Variants in ZNF580 observed in about 807,000 individuals in gnomAD.
ZNF580 encodes the protein LDL-induced EC protein.
ZNF580 carries 1 observed loss-of-function variant against 1.3 expected under a neutral mutation model. The observed-to-expected ratio is 0.77, with a 90% confidence interval of 0.27 to 3.65. The LOEUF (loss-of-function observed/expected upper bound fraction) is 3.65, where lower values mean the gene tolerates loss of function less well. ZNF580 is among the 30% of genes most tolerant of loss of function. The pLI, the probability that ZNF580 is intolerant of heterozygous loss-of-function variation, is 0.19. For missense variants in ZNF580, 268 were observed against 272.3 expected (o/e 0.98, Z 0.11); for synonymous variants, 135 against 128.8 (o/e 1.05, Z -0.32).
At chr19:55,642,283 G>A in intron 1 of ZNF580, 1 of 1,244,830 alleles carries the variant, frequency 8.0e-7, no homozygotes, top group Non-Finnish European at 1.0e-6. Flanking sequence ...AGGTGGTGGC[G>A]GGGTTTTGCA....
chr19:55,642,745 C>A lies in ZNF580; in HGVS notation c.237C>A (p.Arg79=). Reference sequence around the variant, plus strand: ...AGGAGCCCCGGGGCCCGCCCCAGCGCGAGGCGCCCCCAGGAGAGCCCGGCC... The same window carrying A: ...AGGAGCCCCGGGGCCCGCCCCAGCGAGAGGCGCCCCCAGGAGAGCCCGGCC... The part of the protein sequence containing the change: ...LEEEPRGPPQ[R]EAPPGEPGPR... The change falls in exon 2 of 2, where the codon CGC becomes CGA. Residue 79 remains arginine, a synonymous_variant. Coordinates refer to ENST00000325333, the MANE Select transcript of ZNF580 (RefSeq NM_207115.2). The A allele has an allele frequency of 1.3e-6, 2 of 1,522,938 alleles. No individual in the cohort carries two copies. The highest frequency in any genetic ancestry group is 1.2e-5 in the South Asian group (1 of 81,990). 94.3% of individuals were successfully genotyped at this position (1,522,938 alleles called of 1,614,324 possible).
At position 55,642,898 on chromosome 19, in the gene ZNF580, G is replaced by T; in HGVS notation, c.390G>T (p.Lys130Asn). The T allele has an allele frequency of 6.4e-7, 1 of 1,555,522 alleles. No individual in the cohort carries two copies. The highest frequency in any genetic ancestry group is 8.6e-7 in the Non-Finnish European group (1 of 1,158,444). The change falls in exon 2 of 2, where the codon AAG (lysine) becomes AAT (asparagine). Residue 130 changes from lysine to asparagine, a missense_variant. Around this residue, in one of 2 missense-constraint regions of ZNF580, gnomAD observed 225 missense variants for 201.7 expected, o/e 1.12. Coordinates refer to ENST00000325333, the MANE Select transcript of ZNF580 (RefSeq NM_207115.2). ...FTCGACGKAF[K>N]RSSHLSRHRA... Reference sequence around the variant, plus strand: ...GCGGCGCCTGCGGCAAGGCCTTCAAGCGCTCCAGCCACCTGTCGCGGCATC... The same window carrying T: ...GCGGCGCCTGCGGCAAGGCCTTCAATCGCTCCAGCCACCTGTCGCGGCATC...
intron 1 of ZNF580, 144 bp downstream of exon 1, chr19:55,641,327 G>A: frequency 2.0e-6 from 1 of 506,430 alleles, no homozygotes; most frequent in Non-Finnish European, 2.6e-6. Context: ...AGGGGAAGTC[G>A]AGGCGCCAGG....
At chr19:55,641,571 A>T (rs1652324324) in intron 1 of ZNF580, among the ~76,000 whole-genome samples, 1 of 152,108 alleles carries the variant, frequency 6.6e-6, no homozygotes. Flanking sequence ...AGGAGGGGAA[A>T]GTGGGCTTGG....
chr19:55,643,228 G>A lies in ZNF580; in HGVS notation c.*201G>A. On this transcript the variant is annotated 3_prime_UTR_variant, in exon 2 of 2. Transcript: ENST00000325333. ...TAGCTGTGTGATGTAGACCAAAGTC[G>A]TTGCCCCTCCCTGGGCCTGGGAACC... 1.1e-6 allele frequency: 1 copy of A among 944,220 alleles called. No individual in the cohort carries two copies. The highest frequency in any genetic ancestry group is 1.4e-6 in the Non-Finnish European group (1 of 709,542). 58.5% of individuals were successfully genotyped at this position (944,220 alleles called of 1,614,324 possible). A position where few individuals can be genotyped will look rare whatever the true frequency, so the allele number is the denominator to read the frequency against.
chr19:55,642,020 T>TA (rs1982524079), intron 1 of ZNF580: 1 of 720,014 alleles, frequency 1.4e-6, no homozygotes, highest in East Asian at 3.0e-4. Context: ...CGGGGGCCGG[T>TA]GGGGGGGTAG....
chr19:55,641,058 TCCCCGGCGCCGCCG>T lies in ZNF580; in HGVS notation c.-137_-124del. The T allele has an allele frequency of 1.7e-5, 17 of 985,104 alleles. No individual in the cohort carries two copies. Among genetic ancestry groups the T allele is most frequent in the Non-Finnish European group, 2.0e-5 (17 of 829,806 alleles). 61.0% of individuals were successfully genotyped at this position (985,104 alleles called of 1,614,324 possible). On this transcript the variant is annotated 5_prime_UTR_variant, in exon 1 of 2. Coordinates refer to ENST00000325333, the MANE Select transcript of ZNF580 (RefSeq NM_207115.2). ...CACCCCCGCGCCCCCAGTCCCCGCG[TCCCCGGCGCCGCCG>T]GCCCGGAGCTGCCCGGAAGTCTCGG...
In ZNF580 at chr19:55,643,172, G is replaced by A; in HGVS notation, c.*145G>A. The A allele has an allele frequency of 8.2e-7, 1 of 1,223,818 alleles. No individual in the cohort carries two copies. Among genetic ancestry groups the A allele is most frequent in the Non-Finnish European group, 1.0e-6 (1 of 957,464 alleles). 75.8% of individuals were successfully genotyped at this position (1,223,818 alleles called of 1,614,324 possible). On this transcript the variant is annotated 3_prime_UTR_variant, in exon 2 of 2. Transcript: ENST00000325333. The stretch of plus-strand genomic sequence containing the variant: ...CCTCAGTTTCCCCACCTTCCAAAGG[G>A]AGGAGCATCATTCCTTCCTTACCCC...
Position 55,643,108 on chromosome 19 carries a change from C to T in ZNF580, c.*81C>T. On this transcript the variant is annotated 3_prime_UTR_variant, in exon 2 of 2. Transcript: ENST00000325333. ...ACACAGCGTCACTCACTCCCACACA[C>T]ACCCCCTGGCTCTGCTGAGGTTACT... is the stretch of plus-strand genomic sequence containing the variant. The T allele has an allele frequency of 7.6e-7, 1 of 1,311,044 alleles. No individual in the cohort carries two copies. Among genetic ancestry groups the T allele is most frequent in the Non-Finnish European group, 9.7e-7 (1 of 1,025,750 alleles). The allele number at this position is 1,311,044 out of a possible 1,614,324, so 81.2% of individuals were successfully genotyped here.
intron 1 of ZNF580, 49 bp from the exon 2 acceptor site, chr19:55,642,448 C>T (rs1210630360): frequency 2.9e-6 from 4 of 1,395,344 alleles, no homozygotes; most frequent in African/African-American, 1.5e-5. Flanking sequence ...GGAAACTTTT[C>T]CTAAAAGGAA....
In ZNF580 at chr19:55,642,525, C is replaced by G; in HGVS notation, c.17C>G (p.Pro6Arg). The G allele has an allele frequency of 6.9e-7, 1 of 1,439,936 alleles. No homozygotes were observed. 89.2% of individuals were successfully genotyped at this position (1,439,936 alleles called of 1,614,324 possible). A position where few individuals can be genotyped will look rare whatever the true frequency, so the allele number is the denominator to read the frequency against. Residue 6 changes from proline to arginine, a missense_variant, in exon 2 of 2, where the codon CCG becomes CGG. By Grantham distance (103) the Pro-to-Arg change is moderately radical (BLOSUM62 -2). Coordinates refer to ENST00000325333, the MANE Select transcript of ZNF580 (RefSeq NM_207115.2). MLLLP[P>R]RPPHPRSSSP... ...CCGCTCCAGATGCTGCTGCTGCCGC[C>G]GCGGCCACCCCACCCTCGGTCCTCC...
In ZNF580 at chr19:55,641,142, A is replaced by C. The variant is rs1600043452; in HGVS notation, c.-54A>C. On this transcript the variant is annotated 5_prime_UTR_variant, in exon 1 of 2. Coordinates refer to ENST00000325333, the MANE Select transcript of ZNF580 (RefSeq NM_207115.2). Reference sequence around the variant, plus strand: ...CAGGGGAAGCCCGGGGCCGCCCGGGACCTCGGCCCGTTCCTCCGGACCCGA... The same window carrying C: ...CAGGGGAAGCCCGGGGCCGCCCGGGCCCTCGGCCCGTTCCTCCGGACCCGA... The C allele has an allele frequency of 1.0e-6, 1 of 985,144 alleles. No individual in the cohort carries two copies. Among genetic ancestry groups the C allele is most frequent in the South Asian group, 4.7e-5 (1 of 21,280 alleles). The allele number at this position is 985,144 out of a possible 1,614,324, so 61.0% of individuals were successfully genotyped here.
In ZNF580 at chr19:55,641,992, AGGGCCAGGAGGCCGATACGGGGGCCGGT is replaced by A. The variant is rs1369969049; in HGVS notation, c.-12-501_-12-474del. The A allele has an allele frequency of 6.5e-5, 56 of 861,394 alleles. 2 individuals carry two copies. In the East Asian group the frequency reaches 9.2e-3, roughly 142 times the overall value. 53.4% of individuals were successfully genotyped at this position (861,394 alleles called of 1,614,324 possible). A position where few individuals can be genotyped will look rare whatever the true frequency, so the allele number is the denominator to read the frequency against. On this transcript the variant is annotated intron_variant, in intron 1 of 1. Transcript: ENST00000325333. ...GCCCTGCGGCATGTAGTGGGGACGGAGGGCCAGGAGGCCGATACGGGGGCCGGTGGGGGGGTAGGGGGCGGCAAAGGGA... is the reference window on the plus strand; with the variant it reads ...GCCCTGCGGCATGTAGTGGGGACGGAGGGGGGGTAGGGGGCGGCAAAGGGA...
Position 55,642,842 on chromosome 19 carries a change from G to A in ZNF580, c.334G>A (p.Val112Met). The change falls in exon 2 of 2, where the codon GTG (valine) becomes ATG (methionine). Residue 112 changes from valine to methionine, a missense_variant. Physicochemically the swap from Val to Met is conservative, Grantham distance 21. Transcript: ENST00000325333. ...CCCTCTGCGGCTGCAGAGCCACCGCGTGTCGCACTCGGACCTCAAGCCCTT... is the reference window on the plus strand; with the variant it reads ...CCCTCTGCGGCTGCAGAGCCACCGCATGTCGCACTCGGACCTCAAGCCCTT... ...ASPLRLQSHR[V>M]SHSDLKPFTC... The A allele has an allele frequency of 2.5e-6, 4 of 1,575,224 alleles. No homozygotes were observed. Among genetic ancestry groups the A allele is most frequent in the Admixed American group, 1.7e-5 (1 of 57,808 alleles).
At chr19:55,641,663 G>A (rs1044100417) in intron 1 of ZNF580, 1 of 151,636 alleles carries the variant, frequency 6.6e-6, no homozygotes, top group Non-Finnish European at 1.5e-5. Context: ...GGTACAGAAA[G>A]AAGTAACGAT....
In ZNF580 at chr19:55,642,907, C is replaced by T. The variant is rs1372058115; in HGVS notation, c.399C>T (p.Ser133=). The part of the protein sequence containing the change: ...GACGKAFKRS[S]HLSRHRATHR... ...GCGGCAAGGCCTTCAAGCGCTCCAG[C>T]CACCTGTCGCGGCATCGCGCCACGC... Residue 133 remains serine (S), a synonymous_variant, in exon 2 of 2, where the codon AGC becomes AGT. Transcript: ENST00000325333. The T allele has an allele frequency of 1.3e-6, 2 of 1,535,568 alleles. No homozygotes were observed. The highest frequency in any genetic ancestry group is 1.7e-6 in the Non-Finnish European group (2 of 1,148,110).
Position 55,641,018 on chromosome 19 carries a change from T to G in ZNF580, c.-178T>G. 1.0e-6 allele frequency: 1 copy of G among 985,246 alleles called. No individual in the cohort carries two copies. Among genetic ancestry groups the G allele is most frequent in the Non-Finnish European group, 1.2e-6 (1 of 829,874 alleles). 61.0% of individuals were successfully genotyped at this position (985,246 alleles called of 1,614,324 possible). A position where few individuals can be genotyped will look rare whatever the true frequency, so the allele number is the denominator to read the frequency against. The stretch of plus-strand genomic sequence containing the variant: ...CCGGCCGGCGCCTTTTCCCAGGGAC[T>G]CCGCCAACCCCTCGCACCCCCGCGC... On this transcript the variant is annotated 5_prime_UTR_variant, in exon 1 of 2. Coordinates refer to ENST00000325333, the MANE Select transcript of ZNF580 (RefSeq NM_207115.2).
At chr19:55,641,230 C>T (rs1600043652) in intron 1 of ZNF580, 47 bp downstream of exon 1, 3 of 975,156 alleles carry the variant, frequency 3.1e-6, no homozygotes, top group East Asian at 1.2e-4. Context: ...GGGACGACGC[C>T]GGGGCCAGGC....
At position 55,641,351 on chromosome 19, in the gene ZNF580, G is replaced by A. The variant is rs1048892865; in HGVS notation, c.-13+168G>A. 3.3e-5 allele frequency among the ~76,000 whole-genome samples: 5 copies of A among 152,330 alleles called. No individual in the cohort carries two copies. In the East Asian group the frequency reaches 9.7e-4, roughly 29 times the overall value. Reference sequence around the variant, plus strand: ...CGAGGCGCCAGGGCTCCTTGGGGAAGTGAAGGCAATAGGAGGGGCCCCAGG... The same window carrying A: ...CGAGGCGCCAGGGCTCCTTGGGGAAATGAAGGCAATAGGAGGGGCCCCAGG... On this transcript the variant is annotated intron_variant, in intron 1 of 1. Coordinates refer to ENST00000325333, the MANE Select transcript of ZNF580 (RefSeq NM_207115.2).
Sources: allele counts gnomAD v4.1 joint callset (sites outside exome capture counted in the v4.1 genomes callset), GRCh38; gene constraint gnomAD v4.1.1; regional missense constraint gnomAD v4.1.1; transcripts MANE v1.5; gene names NCBI Gene and HGNC (gene_info 2026-07-23, HGNC 2026-07-21).